ALDH1L2: variants seen among roughly 807,000 people sequenced by gnomAD.
The protein encoded by ALDH1L2 is aldehyde dehydrogenase 1 family member L2, also known as mitochondrial 10-formyltetrahydrofolate dehydrogenase.
ALDH1L2 carries 91 observed loss-of-function variants against 111.0 expected under a neutral mutation model. That is an observed-to-expected ratio of 0.82 (90% CI 0.69 to 0.98). The LOEUF is 0.98. Ranked by LOEUF, ALDH1L2 falls within the 50% of genes least tolerant of loss-of-function variation. The probability of loss-of-function intolerance (pLI) is 0.00; values close to 1 mark genes in which losing one functional copy is unlikely to be tolerated. For missense variants in ALDH1L2, 995 were observed against 1,126.8 expected (o/e 0.88, Z 1.67); for synonymous variants, 374 against 392.6 (o/e 0.95, Z 0.56).
chr12:105,084,171 G>A (rs1878470117), intron 1 of ALDH1L2, among the ~76,000 whole-genome samples: 1 of 152,192 alleles, frequency 6.6e-6, no homozygotes, highest in Admixed American at 6.5e-5. Flanking sequence ...GAAGACAATG[G>A]CCTGCGTGCC....
intron 19 of ALDH1L2, among the ~76,000 whole-genome samples, chr12:105,033,980 A>T (rs1448240843): frequency 6.6e-6 from 1 of 152,216 alleles, no homozygotes; most frequent in Admixed American, 6.5e-5. Flanking sequence ...TCATAAGCAC[A>T]TGTGAAAGTA....
chr12:105,038,216 AATG>A lies in ALDH1L2; in HGVS notation c.2046-17_2046-15del, dbSNP rs767135835. 7.4e-4 allele frequency: 1,179 copies of A among 1,588,264 alleles called. No homozygotes were observed. The highest frequency in any genetic ancestry group is 9.5e-4 in the Non-Finnish European group (1,105 of 1,158,944). ...CTAACAGCACAGCTAGAGGAAAACA[AATG>A]AGAAATGAGCATTTAGTTAACATCT... On this transcript the variant is annotated splice_polypyrimidine_tract_variant and intron_variant, in intron 17 of 22. Transcript: ENST00000258494.
In ALDH1L2 at chr12:105,022,548, A is replaced by G. The variant is rs1256600413; in HGVS notation, c.*1876T>C. The G allele has an allele frequency of 6.6e-6, 1 of 152,198 alleles. No individual in the cohort carries two copies. Among genetic ancestry groups the G allele is most frequent in the African/African-American group, 2.4e-5 (1 of 41,450 alleles). The allele number at this position is 152,198 out of a possible 1,614,324, so 9.4% of individuals were successfully genotyped here. A position where few individuals can be genotyped will look rare whatever the true frequency, so the allele number is the denominator to read the frequency against. ...TTAAATCATATTCTAAATCACATGA[A>G]ATCAGTTAAAACATTTCACTTAAAA... is the stretch of plus-strand genomic sequence containing the variant. On this transcript the variant is annotated 3_prime_UTR_variant, in exon 23 of 23. Coordinates refer to ENST00000258494, the MANE Select transcript of ALDH1L2 (RefSeq NM_001034173.4).
At chr12:105,080,959 C>A (rs1439555380) in intron 1 of ALDH1L2, among the ~76,000 whole-genome samples, 1 of 152,148 alleles carries the variant, frequency 6.6e-6, no homozygotes, top group Non-Finnish European at 1.5e-5. Context: ...GAAAAAATTG[C>A]ATCTGTACTA....
intron 17 of ALDH1L2, among the ~76,000 whole-genome samples, chr12:105,038,641 G>C (rs1309348496): frequency 6.6e-6 from 1 of 151,914 alleles, no homozygotes; most frequent in Non-Finnish European, 1.5e-5. Flanking sequence ...CTCCAGCCTG[G>C]GTGACAGTGT....
chr12:105,054,152 C>A (rs1490112925), intron 10 of ALDH1L2, among the ~76,000 whole-genome samples: 1 of 152,102 alleles, frequency 6.6e-6, no homozygotes, highest in Non-Finnish European at 1.5e-5. Flanking sequence ...CGCCCAAGGT[C>A]ACACAGCTAG....
intron 18 of ALDH1L2, among the ~76,000 whole-genome samples, chr12:105,036,532 A>T (rs1473159750): frequency 1.5e-4 from 4 of 26,352 alleles, no homozygotes; most frequent in Non-Finnish European, 2.3e-4. Flanking sequence ...ATATATATAT[A>T]TATATATATA....
At chr12:105,066,709 C>T (rs1877379799) in intron 4 of ALDH1L2, 40 bp from the exon 5 acceptor site, 4 of 1,541,168 alleles carry the variant, frequency 2.6e-6, no homozygotes, top group Non-Finnish European at 3.6e-6. Flanking sequence ...GCCCAATGAT[C>T]AACAATGGCA....
At chr12:105,055,578 A>C (rs536682827) in intron 10 of ALDH1L2, among the ~76,000 whole-genome samples, 10 of 152,314 alleles carry the variant, frequency 6.6e-5, no homozygotes, top group African/African-American at 2.4e-4. Flanking sequence ...AAAGCAGCTA[A>C]TAGAAACCAT....
At chr12:105,067,552 T>C (rs1466809327) in intron 4 of ALDH1L2, among the ~76,000 whole-genome samples, 1 of 152,208 alleles carries the variant, frequency 6.6e-6, no homozygotes, top group African/African-American at 2.4e-5. Flanking sequence ...TTAAAATCTA[T>C]CCATGAGCTT....
intron 15 of ALDH1L2, among the ~76,000 whole-genome samples, chr12:105,046,221 A>ATAT (rs1565957144): frequency 9.2e-5 from 2 of 21,786 alleles, no homozygotes; most frequent in Non-Finnish European, 1.6e-4. Flanking sequence ...ATATATATAT[A>ATAT]TTTTTTTTTT....
At position 105,070,576 on chromosome 12, in the gene ALDH1L2, A is replaced by T. The variant is rs1373684491; in HGVS notation, c.422T>A (p.Ile141Asn). 6.2e-7 allele frequency: 1 copy of T among 1,605,322 alleles called. No individual in the cohort carries two copies. Among genetic ancestry groups the T allele is most frequent in the Non-Finnish European group, 8.5e-7 (1 of 1,176,434 alleles). ...TAAAAAGAAAAAATCTCACCAATTG[A>T]TAGCAGAGGCTCCTCTGTGCCTGGG... Reference protein sequence around the residue: ...ILPRHRGASAINWTLIMGDKK... With the variant: ...ILPRHRGASANNWTLIMGDKK... The change falls in exon 3 of 23, where the codon ATC (isoleucine) becomes AAC (asparagine). Residue 141 changes from isoleucine to asparagine, a missense_variant. Physicochemically the swap from Ile to Asn is moderately radical, Grantham distance 149. Coordinates refer to ENST00000258494, the MANE Select transcript of ALDH1L2 (RefSeq NM_001034173.4).
Position 105,020,241 on chromosome 12 carries a change from G to A in ALDH1L2, c.*4183C>T, listed in dbSNP as rs1191362535. 6 of 152,000 alleles carry A rather than the reference G, an allele frequency of 3.9e-5. No individual in the cohort carries two copies. The highest frequency in any genetic ancestry group is 1.5e-4 in the African/African-American group (6 of 41,352). The allele number at this position is 152,000 out of a possible 1,614,324, so 9.4% of individuals were successfully genotyped here. ...GAACCAAATTTGTTTCCTTACCCTAGCTCTAGCCATTTCCACAAAAGCTTT... is the reference window on the plus strand; with the variant it reads ...GAACCAAATTTGTTTCCTTACCCTAACTCTAGCCATTTCCACAAAAGCTTT... On this transcript the variant is annotated 3_prime_UTR_variant, in exon 23 of 23. Coordinates refer to ENST00000258494, the MANE Select transcript of ALDH1L2 (RefSeq NM_001034173.4).
intron 17 of ALDH1L2, among the ~76,000 whole-genome samples, chr12:105,039,461 C>G (rs1292650295): frequency 6.6e-6 from 1 of 152,194 alleles, no homozygotes; most frequent in Admixed American, 6.5e-5. Context: ...TACAGGAAGT[C>G]TTTTGTGCTG....
chr12:105,053,951 GTAA>G (rs756862364), intron 10 of ALDH1L2, among the ~76,000 whole-genome samples: 1 of 151,754 alleles, frequency 6.6e-6, no homozygotes, highest in Non-Finnish European at 1.5e-5. Flanking sequence ...TGTTTTGCAG[GTAA>G]TAATTACCCA....
Position 105,040,674 on chromosome 12 carries a change from C to T in ALDH1L2, c.1884G>A (p.Leu628=). The T allele has an allele frequency of 6.2e-7, 1 of 1,614,098 alleles. No individual in the cohort carries two copies. The highest frequency in any genetic ancestry group is 8.5e-7 in the Non-Finnish European group (1 of 1,179,982). ...KPAQVTPLTA[L]KFAELSVKAG... ...CTTTCACAGACAGTTCTGCAAACTT[C>T]AAAGCAGTCAAGGGCGTGACCTGAG... is the stretch of plus-strand genomic sequence containing the variant. Residue 628 remains leucine, a synonymous_variant, in exon 16 of 23, where the codon TTG becomes TTA. Coordinates refer to ENST00000258494, the MANE Select transcript of ALDH1L2 (RefSeq NM_001034173.4).
At chr12:105,043,325 G>A (rs1485766229) in intron 15 of ALDH1L2, among the ~76,000 whole-genome samples, 3 of 152,186 alleles carry the variant, frequency 2.0e-5, no homozygotes, top group Admixed American at 1.3e-4. Context: ...GCCAAAAAAT[G>A]TGCATAGAAA....
chr12:105,032,133 G>T (rs1249073362), intron 19 of ALDH1L2, among the ~76,000 whole-genome samples, 199 bp from the exon 20 acceptor site: 1 of 148,500 alleles, frequency 6.7e-6, no homozygotes, highest in Non-Finnish European at 1.5e-5. Context: ...GTCCATGCTG[G>T]ATCACAGTGG....
At chr12:105,053,064 C>T (rs1250451679) in intron 10 of ALDH1L2, 133 bp from the exon 11 acceptor site, 2 of 1,090,366 alleles carry the variant, frequency 1.8e-6, no homozygotes, top group Non-Finnish European at 2.6e-6. Flanking sequence ...GTACAGAAGA[C>T]ATGCATATGT....
Sources: allele counts gnomAD v4.1 joint callset (sites outside exome capture counted in the v4.1 genomes callset), GRCh38; gene constraint gnomAD v4.1.1; transcripts MANE v1.5; gene names NCBI Gene and HGNC (gene_info 2026-07-23, HGNC 2026-07-21).